Variants in MIS18A observed in about 807,000 individuals in gnomAD.
MIS18A encodes protein Mis18-alpha.
Under a neutral mutation model 25.0 loss-of-function variants are expected in MIS18A, and 14 were observed. That is an observed-to-expected ratio of 0.56 (90% confidence interval 0.37 to 0.88). The LOEUF (loss-of-function observed/expected upper bound fraction) is 0.88. Ranked by LOEUF, MIS18A falls within the 40% of genes least tolerant of loss-of-function variation. The probability of loss-of-function intolerance (pLI) is 0.00; values close to 1 mark genes in which losing one functional copy is unlikely to be tolerated. For synonymous variants in MIS18A, 134 were observed against 118.6 expected, an observed-to-expected ratio of 1.13 and a Z score of -0.84; for missense variants, 292 against 290.8, an observed-to-expected ratio of 1.00 and a Z score of -0.03.
intron 4 of MIS18A, 98 bp from the exon 5 acceptor site, chr21:32,269,215 G>T: frequency 1.1e-6 from 1 of 875,176 alleles, no homozygotes; most frequent in Non-Finnish European, 1.7e-6. Context: ...ATGCAATTTT[G>T]GATATGTCAT....
the MIS18A span, among the ~76,000 whole-genome samples, chr21:32,246,364 G>C: frequency 6.6e-6 from 1 of 152,008 alleles, no homozygotes; most frequent in South Asian, 2.1e-4. Flanking sequence ...CACGCCCTTC[G>C]GTACGCCCCT....
chr21:32,248,209 C>G, the MIS18A span, among the ~76,000 whole-genome samples: 10 of 152,296 alleles, frequency 6.6e-5, no homozygotes, highest in African/African-American at 2.4e-4. Flanking sequence ...TTGTTACTTG[C>G]AACCCAAAAG....
chr21:32,252,943 A>C, the MIS18A span, among the ~76,000 whole-genome samples: 1 of 152,196 alleles, frequency 6.6e-6, no homozygotes, highest in Non-Finnish European at 1.5e-5. Flanking sequence ...CCATTTGGTG[A>C]GTGCACAGTG....
the MIS18A span, among the ~76,000 whole-genome samples, chr21:32,205,166 T>G: frequency 1.5e-5 from 2 of 130,794 alleles, no homozygotes; most frequent in Admixed American, 9.3e-5. Flanking sequence ...GTGCAGTGGC[T>G]CGATCTCGGC....
the MIS18A span, among the ~76,000 whole-genome samples, chr21:32,189,600 G>A: frequency 1.3e-5 from 2 of 152,178 alleles, no homozygotes; most frequent in Admixed American, 6.5e-5. Context: ...TTTGTACTTT[G>A]CCATGATCCT....
the MIS18A span, among the ~76,000 whole-genome samples, chr21:32,258,210 G>T: frequency 1.3e-5 from 2 of 152,116 alleles, no homozygotes; most frequent in African/African-American, 4.8e-5. Context: ...AACAGAAAAC[G>T]ACTGAAAGAG....
chr21:32,157,401 T>C, the MIS18A span, among the ~76,000 whole-genome samples: 1 of 151,734 alleles, frequency 6.6e-6, no homozygotes, highest in African/African-American at 2.4e-5. Context: ...CTTTGTCCAT[T>C]AGTGATTGTT....
the MIS18A span, among the ~76,000 whole-genome samples, chr21:32,186,906 G>A: frequency 6.6e-6 from 1 of 152,158 alleles, no homozygotes; most frequent in Non-Finnish European, 1.5e-5. Flanking sequence ...GGGAAAAGCA[G>A]TTTCCCGCAC....
At chr21:32,267,757 T>G (rs567949618), downstream of MIS18A, among the ~76,000 whole-genome samples, 14 of 152,332 alleles carry the variant, frequency 9.2e-5, no homozygotes, top group Admixed American at 7.2e-4. Flanking sequence ...GACAGACACC[T>G]GGGACTACAT....
At chr21:32,184,333 G>A in the MIS18A span, among the ~76,000 whole-genome samples, 1 of 152,222 alleles carries the variant, frequency 6.6e-6, no homozygotes, top group Non-Finnish European at 1.5e-5. Context: ...TCCATACTGA[G>A]AAGATAAAAG....
At chr21:32,224,309 A>G in the MIS18A span, among the ~76,000 whole-genome samples, 4 of 148,882 alleles carry the variant, frequency 2.7e-5, no homozygotes, top group Admixed American at 2.0e-4. Flanking sequence ...AATAAAAGGT[A>G]TTCAATTAGG....
At chr21:32,217,821 G>GA in the MIS18A span, among the ~76,000 whole-genome samples, 8 of 148,206 alleles carry the variant, frequency 5.4e-5, no homozygotes, top group African/African-American at 9.9e-5. Flanking sequence ...AATTCTGAAG[G>GA]AAAAAAAAAC....
At chr21:32,172,062 G>A in the MIS18A span, among the ~76,000 whole-genome samples, 3 of 152,012 alleles carry the variant, frequency 2.0e-5, no homozygotes, top group African/African-American at 7.2e-5. Context: ...CTAATCAACA[G>A]AGAAGTACAA....
the MIS18A span, among the ~76,000 whole-genome samples, chr21:32,254,087 C>T: frequency 6.6e-6 from 1 of 151,924 alleles, no homozygotes; most frequent in Admixed American, 6.6e-5. Flanking sequence ...ATACAATAGC[C>T]GAGTGTGGTG....
At chr21:32,195,252 G>A in the MIS18A span, among the ~76,000 whole-genome samples, 1 of 152,156 alleles carries the variant, frequency 6.6e-6, no homozygotes, top group African/African-American at 2.4e-5. Flanking sequence ...TACAAAATAT[G>A]TCTTTGGTGT....
the MIS18A span, among the ~76,000 whole-genome samples, chr21:32,157,134 C>T: frequency 6.7e-6 from 1 of 148,264 alleles, no homozygotes; most frequent in Non-Finnish European, 1.5e-5. Context: ...TGGCTCACTG[C>T]AACCTCTGCC....
chr21:32,231,220 A>G, the MIS18A span, among the ~76,000 whole-genome samples: 1 of 149,278 alleles, frequency 6.7e-6, no homozygotes, highest in Non-Finnish European at 1.5e-5. Context: ...TAGGCGACAC[A>G]GCGAGACCCT....
chr21:32,250,566 A>G, the MIS18A span, among the ~76,000 whole-genome samples: 1 of 152,102 alleles, frequency 6.6e-6, no homozygotes, highest in Non-Finnish European at 1.5e-5. Context: ...TTTCTTCTCC[A>G]GCTCTGACTC....
At chr21:32,220,650 G>C in the MIS18A span, among the ~76,000 whole-genome samples, 1 of 152,074 alleles carries the variant, frequency 6.6e-6, no homozygotes. Context: ...GACAGAAGCA[G>C]GCTTCAGAAA....
Sources: gnomAD v4.1 joint callset for allele counts (sites outside exome capture counted in the v4.1 genomes callset) on GRCh38, gnomAD v4.1.1 for gene constraint, MANE v1.5 for transcripts, NCBI Gene and HGNC (gene_info 2026-07-23, HGNC 2026-07-21) for gene names.